TAB2: variants seen among roughly 807,000 people sequenced by gnomAD.
TAB2 encodes TGF-beta-activated kinase 1 and MAP3K7-binding protein 2.
Under a neutral mutation model 65.0 loss-of-function variants are expected in TAB2, and 3 were observed. The ratio of observed to expected loss-of-function variants is 0.05; its 90% CI spans 0.02 to 0.12. TAB2 has a LOEUF of 0.12. TAB2 is among the 10% of genes least tolerant of loss of function. TAB2 has a pLI of 1.00. For synonymous variants in TAB2, 298 were observed against 285.1 expected (o/e 1.05, Z -0.46); for missense variants, 623 against 840.3 (o/e 0.74, Z 3.20).
intron 3 of TAB2, among the ~76,000 whole-genome samples, chr6:149,389,509 G>C (rs536564368): frequency 6.6e-6 from 1 of 152,002 alleles, no homozygotes; most frequent in South Asian, 2.1e-4. Flanking sequence ...GCTGGGTGTG[G>C]TGGCACATAC....
At chr6:149,372,757 G>A (rs993721998) in intron 2 of TAB2, among the ~76,000 whole-genome samples, 3 of 152,136 alleles carry the variant, frequency 2.0e-5, no homozygotes, top group African/African-American at 7.2e-5. Flanking sequence ...GACAAGAAAG[G>A]AATAGGAAGA....
intron 1 of TAB2, among the ~76,000 whole-genome samples, chr6:149,306,231 C>A (rs1410488016): frequency 6.6e-6 from 1 of 152,032 alleles, no homozygotes; most frequent in Non-Finnish European, 1.5e-5. Flanking sequence ...CACGGCAAAA[C>A]CCCATCTCTA....
In TAB2 at chr6:149,281,834, A is replaced by G. The variant is rs538085402; in HGVS notation, c.-121+63058A>G. 1.3e-3 allele frequency among the ~76,000 whole-genome samples: 205 copies of G among 152,260 alleles called. 2 individuals are homozygous for G. The highest frequency in any genetic ancestry group is 3.8e-3 in the African/African-American group (160 of 41,586). On this transcript the variant is annotated intron_variant, in intron 1 of 1. Coordinates refer to the TAB2 transcript ENST00000606202. The stretch of plus-strand genomic sequence containing the variant: ...ATTGAATAAAACAGCACAACCCAAC[A>G]ATATGTTTCCTACAAAAAAAATACA...
chr6:149,375,520 A>C (rs1781370925), intron 2 of TAB2, among the ~76,000 whole-genome samples: 1 of 152,132 alleles, frequency 6.6e-6, no homozygotes, highest in Non-Finnish European at 1.5e-5. Context: ...CAAGAGAATT[A>C]AAGAGGAAGG....
At chr6:149,281,289 C>T (rs1288681070) in intron 1 of TAB2, among the ~76,000 whole-genome samples, 4 of 151,862 alleles carry the variant, frequency 2.6e-5, no homozygotes, top group Non-Finnish European at 4.4e-5. Flanking sequence ...ATACTCCATG[C>T]GAACTGGTAC....
intron 1 of TAB2, chr6:149,218,900 A>G (rs1777079904): frequency 3.0e-6 from 1 of 333,334 alleles, no homozygotes; most frequent in African/African-American, 2.1e-5. Flanking sequence ...AAGGAGACCT[A>G]GTACTTTTTA....
At chr6:149,355,667 CA>C (rs10534200) in intron 1 of TAB2, among the ~76,000 whole-genome samples, 44,942 of 121,404 alleles carry the variant, frequency 0.37, 7,907 homozygotes, top group African/African-American at 0.54. Context: ...AACTCCATCT[CA>C]AAAAAAAAAA....
At position 149,370,075 on chromosome 6, in the gene TAB2, T is replaced by A. The variant is rs1299989997; in HGVS notation, c.78T>A (p.Val26=). 2 of 1,613,922 alleles carry A rather than the reference T, an allele frequency of 1.2e-6. No homozygotes were observed. Among genetic ancestry groups the A allele is most frequent in the African/African-American group, 1.3e-5 (1 of 74,918 alleles). The change falls in exon 2 of 7, where the codon GTT becomes GTA. Residue 26 remains valine, a synonymous_variant. Transcript: ENST00000637181. Reference sequence around the variant, plus strand: ...AAAAATTCCCTGAAGTACCTGAAGTTGTTGTATCCAGGTGCATGTTACAGG... The same window carrying A: ...AAAAATTCCCTGAAGTACCTGAAGTAGTTGTATCCAGGTGCATGTTACAGG... ...LRQKFPEVPE[V]VVSRCMLQNN...
intron 1 of TAB2, among the ~76,000 whole-genome samples, chr6:149,339,590 TTTA>T (rs1422239917): frequency 0.1 from 1,340 of 13,216 alleles, 31 homozygotes; most frequent in Middle Eastern, 0.5. Context: ...ATCTTTTTTA[TTTA>T]TTTATTTATT....
intron 3 of TAB2, among the ~76,000 whole-genome samples, chr6:149,395,123 G>A (rs1485373664): frequency 6.6e-6 from 1 of 152,092 alleles, no homozygotes; most frequent in Non-Finnish European, 1.5e-5. Flanking sequence ...CTCCGCAAGG[G>A]CAAGGATTTT....
At chr6:149,401,491 A>G (rs962109024) in intron 6 of TAB2, among the ~76,000 whole-genome samples, 1 of 152,122 alleles carries the variant, frequency 6.6e-6, no homozygotes, top group African/African-American at 2.4e-5. Context: ...AAAAGGATCA[A>G]TTCCACAGAA....
chr6:149,291,052 G>A (rs1778767670), intron 1 of TAB2, among the ~76,000 whole-genome samples: 1 of 152,198 alleles, frequency 6.6e-6, no homozygotes, highest in Non-Finnish European at 1.5e-5. Context: ...AAAATAATGG[G>A]ATGTAAATTG....
chr6:149,229,670 G>T (rs958149352), intron 1 of TAB2, among the ~76,000 whole-genome samples: 2 of 152,090 alleles, frequency 1.3e-5, no homozygotes, highest in Non-Finnish European at 2.9e-5. Flanking sequence ...GGGATCTGGG[G>T]ACCTGGTGGG....
chr6:149,327,277 C>T (rs1779648895), intron 1 of TAB2, among the ~76,000 whole-genome samples: 1 of 152,084 alleles, frequency 6.6e-6, no homozygotes, highest in Admixed American at 6.5e-5. Flanking sequence ...ATTAAATGTT[C>T]CATTTAATTA....
Position 149,378,413 on chromosome 6 carries a change from C to T in TAB2, c.498C>T (p.Ser166=), listed in dbSNP as rs1016733839. Residue 166 remains serine (S), a synonymous_variant, in exon 3 of 7, where the codon AGC becomes AGT. Coordinates refer to ENST00000637181, the MANE Select transcript of TAB2 (RefSeq NM_001292034.3). The part of the protein sequence containing the change: ...GFHLGSKGTS[S]LSQQTPRFNP... ...ACTTAGGCAGCAAAGGAACATCTAG[C>T]CTTTCTCAACAAACTCCCAGATTTA... 7 of 1,614,074 alleles carry T rather than the reference C, an allele frequency of 4.3e-6. No individual in the cohort carries two copies. Among genetic ancestry groups the T allele is most frequent in the Middle Eastern group, 1.6e-4 (1 of 6,084 alleles).
intron 1 of TAB2, among the ~76,000 whole-genome samples, chr6:149,320,681 TGA>T (rs1207851732): frequency 6.6e-6 from 1 of 152,144 alleles, no homozygotes; most frequent in Non-Finnish European, 1.5e-5. Flanking sequence ...CATTTTTTTT[TGA>T]GTTATATAAA....
chr6:149,301,914 C>G (rs1345973306), intron 1 of TAB2, among the ~76,000 whole-genome samples: 1 of 152,124 alleles, frequency 6.6e-6, no homozygotes, highest in African/African-American at 2.4e-5. Flanking sequence ...TCATTAAATT[C>G]TTATATCATT....
intron 1 of TAB2, among the ~76,000 whole-genome samples, chr6:149,306,586 A>G (rs1458699549): frequency 3.3e-5 from 5 of 151,680 alleles, no homozygotes; most frequent in African/African-American, 1.2e-4. Flanking sequence ...AAAAACAAAA[A>G]AAAACACACA....
chr6:149,372,403 TG>T (rs1781259589), intron 2 of TAB2: 1 of 152,222 alleles, frequency 6.6e-6, no homozygotes, highest in Non-Finnish European at 1.5e-5. Flanking sequence ...ACAGGCCTGA[TG>T]GGACAGAGTT....
Sources: allele counts gnomAD v4.1 joint callset (sites outside exome capture counted in the v4.1 genomes callset), GRCh38; gene constraint gnomAD v4.1.1; transcripts MANE v1.5; gene names NCBI Gene and HGNC (gene_info 2026-07-23, HGNC 2026-07-21).